The following C5orf24 variants were observed in gnomAD, a reference collection of about 807,000 sequenced individuals.
The protein encoded by C5orf24 is chromosome 5 open reading frame 24.
In C5orf24, 4 loss-of-function variants were observed where a neutral mutation model predicts 9.8. The ratio of observed to expected loss-of-function variants is 0.41; its 90% CI spans 0.20 to 0.93. The LOEUF (loss-of-function observed/expected upper bound fraction) is 0.93, where lower values mean the gene tolerates loss of function less well. Ranked by LOEUF, C5orf24 falls within the 40% of genes least tolerant of loss-of-function variation. C5orf24 has a pLI of 0.33. For missense variants in C5orf24, 170 were observed against 236.9 expected (o/e 0.72, Z 1.85); for synonymous variants, 73 against 81.3 (o/e 0.90, Z 0.55).
chr5:134,843,266 C>T (rs943555552), upstream of C5orf24, among the ~76,000 whole-genome samples: 1 of 151,988 alleles, frequency 6.6e-6, no homozygotes, highest in East Asian at 1.9e-4. Context: ...CATGACCCAC[C>T]GTGCCTGGCC....
chr5:134,838,956 C>T, the C5orf24 span, among the ~76,000 whole-genome samples: 1 of 152,120 alleles, frequency 6.6e-6, no homozygotes, highest in Non-Finnish European at 1.5e-5. Context: ...AACCTGTAAT[C>T]CCAGCACTTT....
chr5:134,839,270 A>T, the C5orf24 span, among the ~76,000 whole-genome samples: 22 of 151,998 alleles, frequency 1.4e-4, no homozygotes, highest in African/African-American at 5.3e-4. Flanking sequence ...TGTTGCACTT[A>T]ACACCAAATT....
rs1756394087 is a variant in C5orf24 at position 134,859,561 on chromosome 5, A to G, written c.*4094A>G. The G allele has an allele frequency of 6.0e-6, 1 of 167,078 alleles. No individual in the cohort carries two copies. Among genetic ancestry groups the G allele is most frequent in the South Asian group, 2.1e-4 (1 of 4,832 alleles). The allele number at this position is 167,078 out of a possible 1,614,324, so 10.3% of individuals were successfully genotyped here. A position where few individuals can be genotyped will look rare whatever the true frequency, so the allele number is the denominator to read the frequency against. On this transcript the variant is annotated 3_prime_UTR_variant, in exon 2 of 2. Coordinates refer to ENST00000394976, the MANE Select transcript of C5orf24 (RefSeq NM_001135586.1). The stretch of plus-strand genomic sequence containing the variant: ...AATAATTACCAATTAACTGATAATA[A>G]GCACGCTGTCCTCTGCTGTAAAAAG...
At position 134,858,403 on chromosome 5, in the gene C5orf24, CTT is replaced by C. The variant is rs1756366586; in HGVS notation, c.*2937_*2938del. 6.0e-6 allele frequency: 1 copy of C among 166,866 alleles called. No homozygotes were observed. The highest frequency in any genetic ancestry group is 2.1e-4 in the South Asian group (1 of 4,826). The allele number at this position is 166,866 out of a possible 1,614,324, so 10.3% of individuals were successfully genotyped here. On this transcript the variant is annotated 3_prime_UTR_variant, in exon 2 of 2. Transcript: ENST00000394976. ...TGTGCATATTTTGTTAACACTGTCT[CTT>C]GTTATGATAAACACTGAAATAGCAT... is the stretch of plus-strand genomic sequence containing the variant.
intron 1 of C5orf24, among the ~76,000 whole-genome samples, chr5:134,853,256 G>T: frequency 6.6e-6 from 1 of 151,858 alleles, no homozygotes; most frequent in African/African-American, 2.4e-5. Context: ...AGCTACTCGG[G>T]AGGCTGAGGC....
intron 1 of C5orf24, among the ~76,000 whole-genome samples, chr5:134,854,041 C>G (rs757411663): frequency 5.9e-5 from 9 of 152,172 alleles, no homozygotes; most frequent in Non-Finnish European, 1.3e-4. Flanking sequence ...GATCGAGTCA[C>G]TGCACTCCAG....
In C5orf24 at chr5:134,857,372, C is replaced by G. The variant is rs373114001; in HGVS notation, c.*1905C>G. The G allele has an allele frequency of 5.9e-4, 915 of 1,548,134 alleles. 7 individuals are homozygous for G. In the Middle Eastern group the frequency reaches 8.7e-3, roughly 15 times the overall value. On this transcript the variant is annotated 3_prime_UTR_variant, in exon 2 of 2. Coordinates refer to ENST00000394976, the MANE Select transcript of C5orf24 (RefSeq NM_001135586.1). ...TTTTTATCAGGAAAAAAGCAGCAAG[C>G]CTTCAGGTGTTCCAGTGATGCCTGA...
At chr5:134,852,485 C>G (rs1756184102) in intron 1 of C5orf24, among the ~76,000 whole-genome samples, 1 of 152,146 alleles carries the variant, frequency 6.6e-6, no homozygotes, top group South Asian at 2.1e-4. Context: ...ATGCTCATTT[C>G]CTTTTGCCTT....
At position 134,858,626 on chromosome 5, in the gene C5orf24, A is replaced by G. The variant is rs2150178430; in HGVS notation, c.*3159A>G. On this transcript the variant is annotated 3_prime_UTR_variant, in exon 2 of 2. Transcript: ENST00000394976. ...TCTGCAATTCAAGTAAGTCTGCATTACTTTTTTCTTTAAAAAGTACTTTAA... is the reference window on the plus strand; with the variant it reads ...TCTGCAATTCAAGTAAGTCTGCATTGCTTTTTTCTTTAAAAAGTACTTTAA... 6.0e-6 allele frequency: 1 copy of G among 167,082 alleles called. No individual in the cohort carries two copies. The highest frequency in any genetic ancestry group is 1.5e-5 in the Non-Finnish European group (1 of 68,066). The allele number at this position is 167,082 out of a possible 1,614,324, so 10.3% of individuals were successfully genotyped here.
upstream of C5orf24, among the ~76,000 whole-genome samples, chr5:134,841,610 A>T (rs989268716): frequency 6.6e-6 from 1 of 152,178 alleles, no homozygotes; most frequent in South Asian, 2.1e-4. Context: ...TTTCTCATCT[A>T]TGCTAAATTA....
intron 1 of C5orf24, chr5:134,846,467 G>C (rs549296178): frequency 1.3e-5 from 2 of 152,280 alleles, no homozygotes; most frequent in South Asian, 2.1e-4. Context: ...TCCGCCCTTC[G>C]CCTTTAAATA....
chr5:134,848,983 C>T (rs1334949682), intron 1 of C5orf24, among the ~76,000 whole-genome samples: 5 of 145,070 alleles, frequency 3.4e-5, no homozygotes, highest in African/African-American at 5.1e-5. Context: ...AGAGGCTGGG[C>T]GCGGTGGCTC....
intron 1 of C5orf24, among the ~76,000 whole-genome samples, chr5:134,852,431 C>T (rs930306100): frequency 6.6e-6 from 1 of 152,234 alleles, no homozygotes; most frequent in Non-Finnish European, 1.5e-5. Context: ...TGTTGATTCT[C>T]AGCAAATGTT....
the C5orf24 span, among the ~76,000 whole-genome samples, chr5:134,835,006 T>C: frequency 6.6e-6 from 1 of 151,398 alleles, no homozygotes; most frequent in African/African-American, 2.4e-5. Context: ...ATTGCGGCAC[T>C]GCACTTCAGC....
At chr5:134,854,876 A>AT in intron 1 of C5orf24, 22 bp from the exon 2 acceptor site, 6 of 1,610,772 alleles carry the variant, frequency 3.7e-6, no homozygotes, top group Non-Finnish European at 5.1e-6. Flanking sequence ...ATTTATATAT[A>AT]TTTGTCTTTT....
At chr5:134,844,900 A>G (rs879795043), upstream of C5orf24, among the ~76,000 whole-genome samples, 3 of 151,922 alleles carry the variant, frequency 2.0e-5, no homozygotes, top group Non-Finnish European at 2.9e-5. Flanking sequence ...ACCATGCCCA[A>G]CTAATTTTCG....
chr5:134,845,924 G>T (rs1561884043), upstream of C5orf24: 1 of 152,274 alleles, frequency 6.6e-6, no homozygotes, highest in Non-Finnish European at 1.5e-5. Flanking sequence ...ATGCGAGTGA[G>T]CGTGTGCGTG....
In C5orf24 at chr5:134,857,469, C is replaced by A; in HGVS notation, c.*2002C>A. 1 of 1,488,280 alleles carries A rather than the reference C, an allele frequency of 6.7e-7. No individual in the cohort carries two copies. Among genetic ancestry groups the A allele is most frequent in the Non-Finnish European group, 9.0e-7 (1 of 1,110,354 alleles). The allele number at this position is 1,488,280 out of a possible 1,614,324, so 92.2% of individuals were successfully genotyped here. ...GCATTGTATGTGGGGACTATGTGCACTGGCGTCTAAGACAGTGACCTCAAC... is the reference window on the plus strand; with the variant it reads ...GCATTGTATGTGGGGACTATGTGCAATGGCGTCTAAGACAGTGACCTCAAC... On this transcript the variant is annotated 3_prime_UTR_variant, in exon 2 of 2. Transcript: ENST00000394976.
chr5:134,852,134 G>A (rs905405635), intron 1 of C5orf24, among the ~76,000 whole-genome samples: 1 of 152,196 alleles, frequency 6.6e-6, no homozygotes, highest in Non-Finnish European at 1.5e-5. Context: ...TAGAGACGGT[G>A]TTTCACTGTG....
Sources: gnomAD v4.1 joint callset for allele counts (sites outside exome capture counted in the v4.1 genomes callset) on GRCh38, gnomAD v4.1.1 for gene constraint, MANE v1.5 for transcripts, NCBI Gene and HGNC (gene_info 2026-07-23, HGNC 2026-07-21) for gene names.